Variants in ROBO1 observed in about 807,000 individuals in gnomAD.
ROBO1 encodes the protein roundabout homolog 1.
ROBO1 carries 149 observed loss-of-function variants against 195.9 expected under a neutral mutation model. The ratio of observed to expected loss-of-function variants is 0.76; its 90% CI spans 0.67 to 0.87. The LOEUF is 0.87. ROBO1 is among the 40% of genes least tolerant of loss of function. ROBO1 has a pLI of 0.00. For missense variants in ROBO1, 1,933 were observed against 2,068.3 expected (o/e 0.93, Z 1.27); for synonymous variants, 816 against 733.2 (o/e 1.11, Z -1.82).
At chr3:79,355,347 T>C (rs888668525) in intron 2 of ROBO1, among the ~76,000 whole-genome samples, 2 of 152,194 alleles carry the variant, frequency 1.3e-5, no homozygotes, top group African/African-American at 2.4e-5. Flanking sequence ...AATGTATACA[T>C]GGTAGAATGA....
At chr3:78,702,685 A>G (rs2081447153) in intron 8 of ROBO1, among the ~76,000 whole-genome samples, 1 of 152,204 alleles carries the variant, frequency 6.6e-6, no homozygotes, top group African/African-American at 2.4e-5. Context: ...ACATTTTTCC[A>G]CATTGATGCC....
chr3:79,627,295 A>T (rs2108008287), intron 1 of ROBO1, among the ~76,000 whole-genome samples: 1 of 152,304 alleles, frequency 6.6e-6, no homozygotes, highest in South Asian at 2.1e-4. Context: ...ACTGGTACCA[A>T]AACAGACCTA....
chr3:79,093,924 C>T (rs1334831958), intron 3 of ROBO1, among the ~76,000 whole-genome samples: 1 of 152,020 alleles, frequency 6.6e-6, no homozygotes, highest in East Asian at 1.9e-4. Flanking sequence ...AATGACCCTA[C>T]TTCCTGTGCC....
At chr3:78,846,197 CAT>C (rs1470620584) in intron 4 of ROBO1, among the ~76,000 whole-genome samples, 2 of 152,100 alleles carry the variant, frequency 1.3e-5, no homozygotes, top group Non-Finnish European at 2.9e-5. Flanking sequence ...TAAGTCACCA[CAT>C]AGTCAGTACA....
intron 5 of ROBO1, among the ~76,000 whole-genome samples, chr3:78,719,468 C>T (rs1321503721): frequency 7.0e-6 from 1 of 143,616 alleles, no homozygotes; most frequent in Non-Finnish European, 1.5e-5. Flanking sequence ...TACATACACA[C>T]TCACATACAC....
intron 2 of ROBO1, among the ~76,000 whole-genome samples, chr3:79,463,852 G>A (rs1325314477): frequency 6.6e-6 from 1 of 151,906 alleles, no homozygotes; most frequent in Non-Finnish European, 1.5e-5. Context: ...TTAAATAATT[G>A]AACAATCATC....
chr3:78,740,600 T>A (rs975719821), intron 5 of ROBO1, among the ~76,000 whole-genome samples: 7 of 151,756 alleles, frequency 4.6e-5, no homozygotes, highest in African/African-American at 1.7e-4. Context: ...GACTCCCGAG[T>A]AGCTGGGATT....
In ROBO1 at chr3:79,160,722, G is replaced by T. The variant is rs2080942913; in HGVS notation, c.89-35183C>A. Among the ~76,000 whole-genome samples, 3 of 152,124 alleles carry T rather than the reference G, an allele frequency of 2.0e-5. 1 individual carries two copies. In the South Asian group the frequency reaches 6.2e-4, roughly 32 times the overall value. ...AGAAACCTCATGTGATCACAGTGTGGATTCACAGGATGAACAGTGAGAAAC... is the reference window on the plus strand; with the variant it reads ...AGAAACCTCATGTGATCACAGTGTGTATTCACAGGATGAACAGTGAGAAAC... On this transcript the variant is annotated intron_variant, in intron 2 of 30. Transcript: ENST00000464233.
chr3:79,006,621 G>C (rs746059966), intron 3 of ROBO1, among the ~76,000 whole-genome samples: 74 of 152,072 alleles, frequency 4.9e-4, no homozygotes, highest in Non-Finnish European at 7.3e-4. Flanking sequence ...AAGTCCATCT[G>C]AAAGTATGTC....
chr3:78,598,883 C>A lies in ROBO1; in HGVS notation c.*30G>T, dbSNP rs372554809. 787 of 1,512,836 alleles carry A rather than the reference C, an allele frequency of 5.2e-4. 4 individuals carry two copies. In the African/African-American group the frequency reaches 0.01, roughly 19 times the overall value. 93.7% of individuals were successfully genotyped at this position (1,512,836 alleles called of 1,614,324 possible). A position where few individuals can be genotyped will look rare whatever the true frequency, so the allele number is the denominator to read the frequency against. On this transcript the variant is annotated 3_prime_UTR_variant, in exon 31 of 31. Coordinates refer to ENST00000464233, the MANE Select transcript of ROBO1 (RefSeq NM_002941.4). ...GAGGCATCTTGAGTGATGATTTTCA[C>A]ATTAGATCTCATAAGCCTCTTGGTT...
At chr3:79,196,415 A>G (rs181062109) in intron 2 of ROBO1, among the ~76,000 whole-genome samples, 3 of 151,254 alleles carry the variant, frequency 2.0e-5, no homozygotes, top group Non-Finnish European at 3.0e-5. Flanking sequence ...GAAAGAAAGA[A>G]AGAGAGAGAA....
intron 1 of ROBO1, among the ~76,000 whole-genome samples, chr3:79,648,813 C>A (rs941955010): frequency 2.6e-5 from 4 of 151,996 alleles, no homozygotes; most frequent in African/African-American, 9.7e-5. Context: ...CTAAAAACAT[C>A]TCTTAAAAGT....
At chr3:79,369,671 C>T (rs2036116097) in intron 2 of ROBO1, among the ~76,000 whole-genome samples, 2 of 151,724 alleles carry the variant, frequency 1.3e-5, no homozygotes, top group Non-Finnish European at 2.9e-5. Context: ...TTTAAAGAGG[C>T]TTCTTTCTTT....
At chr3:79,596,465 G>A (rs979600039) in intron 1 of ROBO1, among the ~76,000 whole-genome samples, 1 of 151,990 alleles carries the variant, frequency 6.6e-6, no homozygotes, top group African/African-American at 2.4e-5. Flanking sequence ...GATATTCAAT[G>A]AGGGTATGTG....
intron 4 of ROBO1, among the ~76,000 whole-genome samples, chr3:78,800,895 C>T (rs1412750950): frequency 6.6e-6 from 1 of 152,052 alleles, no homozygotes; most frequent in East Asian, 1.9e-4. Context: ...GATTTCAATT[C>T]AGATAAAAGT....
intron 3 of ROBO1, among the ~76,000 whole-genome samples, chr3:79,046,474 T>C (rs2078595279): frequency 6.6e-6 from 1 of 151,948 alleles, no homozygotes; most frequent in Admixed American, 6.6e-5. Context: ...ATATAATAAC[T>C]ATATATAGTT....
At chr3:78,736,816 G>A (rs1479121478) in intron 5 of ROBO1, among the ~76,000 whole-genome samples, 2 of 152,086 alleles carry the variant, frequency 1.3e-5, no homozygotes, top group Admixed American at 6.6e-5. Flanking sequence ...TCTAGTTTCA[G>A]GGTCCAAACA....
chr3:79,719,012 A>G (rs936266077), intron 1 of ROBO1, among the ~76,000 whole-genome samples: 2 of 152,096 alleles, frequency 1.3e-5, no homozygotes, highest in Non-Finnish European at 2.9e-5. Context: ...AGCATAAATA[A>G]GAATGTCTTG....
chr3:79,746,218 T>G (rs1703869944), intron 1 of ROBO1, among the ~76,000 whole-genome samples: 1 of 152,072 alleles, frequency 6.6e-6, no homozygotes, highest in Non-Finnish European at 1.5e-5. Context: ...TACATTTCTG[T>G]GTACCATAGA....
Sources: gnomAD v4.1 joint callset for allele counts (sites outside exome capture counted in the v4.1 genomes callset) on GRCh38, gnomAD v4.1.1 for gene constraint, MANE v1.5 for transcripts, NCBI Gene and HGNC (gene_info 2026-07-23, HGNC 2026-07-21) for gene names.